RBM12: variants seen among roughly 807,000 people sequenced by gnomAD.
RBM12 encodes the protein RNA binding motif protein 12.
In RBM12, 24 loss-of-function variants were observed where a neutral mutation model predicts 37.2. The observed-to-expected ratio is 0.65, with a 90% CI of 0.47 to 0.91. The LOEUF (loss-of-function observed/expected upper bound fraction) is 0.91. Among genes scored for constraint, RBM12 ranks in the 40% least tolerant of loss-of-function variants. RBM12 has a pLI of 0.00. For synonymous variants in RBM12, 420 were observed against 425.2 expected, an observed-to-expected ratio of 0.99 and a Z score of 0.15; for missense variants, 1,061 against 1,183.2, an observed-to-expected ratio of 0.90 and a Z score of 1.52.
At position 35,649,935 on chromosome 20, in the gene RBM12, CCATA is replaced by C. The variant is rs2033387783; in HGVS notation, c.*2585_*2588del. ...AGCAAAGCTTTACAAATCCTTCATA[CCATA>C]CAAAGCAAATGAGAAAATAATGTCA... On this transcript the variant is annotated 3_prime_UTR_variant, in exon 3 of 3. Transcript: ENST00000374114. The C allele has an allele frequency of 6.6e-6, 1 of 152,440 alleles. No individual in the cohort carries two copies. The highest frequency in any genetic ancestry group is 1.5e-5 in the Non-Finnish European group (1 of 67,988). The allele number at this position is 152,440 out of a possible 1,614,324, so 9.4% of individuals were successfully genotyped here.
intron 1 of RBM12, among the ~76,000 whole-genome samples, chr20:35,662,353 T>A (rs2034277981): frequency 1.3e-5 from 2 of 152,364 alleles, no homozygotes; most frequent in South Asian, 4.1e-4. Context: ...AAGCTGGCTT[T>A]AAACTTAATT....
rs2033700940 is a variant in RBM12 at position 35,653,675 on chromosome 20, T to C, written c.1648A>G (p.Asn550Asp). ...ATCTTTGTAATGCTGAATGGAATAT[T>C]TGTTATGTGGGCACAGACTTTGGCA... Reference protein sequence around the residue: ...NSAKVCAHITNIPFSITKMDV... With the variant: ...NSAKVCAHITDIPFSITKMDV... Residue 550 changes from asparagine to aspartate, a missense_variant, in exon 3 of 3, where the codon AAT (asparagine) becomes GAT (aspartate). Asn to Asp is a conservative substitution (Grantham distance 23). This residue lies in a region of RBM12 where 517 missense variants were observed against 534.0 expected (regional missense o/e 0.97). Coordinates refer to ENST00000374114, the MANE Select transcript of RBM12 (RefSeq NM_006047.6). The C allele has an allele frequency of 1.9e-6, 3 of 1,614,208 alleles. No homozygotes were observed. Among genetic ancestry groups the C allele is most frequent in the Non-Finnish European group, 8.5e-7 (1 of 1,180,040 alleles).
Position 35,652,475 on chromosome 20 carries a change from T to C in RBM12, c.*49A>G, listed in dbSNP as rs2033588405. On this transcript the variant is annotated 3_prime_UTR_variant, in exon 3 of 3. Coordinates refer to ENST00000374114, the MANE Select transcript of RBM12 (RefSeq NM_006047.6). ...ATACTAGGAAAACAATCTGGATGCA[T>C]TAATCACAGCAATATGAAGATCTAC... The C allele has an allele frequency of 1.9e-6, 3 of 1,543,150 alleles. No homozygotes were observed. In the East Asian group the frequency reaches 6.8e-5, roughly 35 times the overall value.
chr20:35,658,801 AAACAC>A, intron 2 of RBM12, 124 bp downstream of exon 2: 1 of 515,854 alleles, frequency 1.9e-6, no homozygotes, highest in South Asian at 2.3e-5. Context: ...AAGCAAACAA[AAACAC>A]ACACACACAC....
At chr20:35,662,662 T>G (rs1259136489) in intron 1 of RBM12, among the ~76,000 whole-genome samples, 2 of 152,200 alleles carry the variant, frequency 1.3e-5, no homozygotes, top group African/African-American at 4.8e-5. Flanking sequence ...ACAGAATGGC[T>G]CTCTGCAAAA....
rs776017272 is a variant in RBM12 at position 35,655,019 on chromosome 20, C to T, written c.304G>A (p.Ala102Thr). 3 of 1,614,016 alleles carry T rather than the reference C, an allele frequency of 1.9e-6. No individual in the cohort carries two copies. Among genetic ancestry groups the T allele is most frequent in the Admixed American group, 3.3e-5 (2 of 59,996 alleles). The change falls in exon 3 of 3, where the codon GCC (alanine) becomes ACC (threonine). Residue 102 changes from alanine (A) to threonine (T), a missense_variant. Ala to Thr is a moderately conservative substitution (Grantham distance 58). Coordinates refer to ENST00000374114, the MANE Select transcript of RBM12 (RefSeq NM_006047.6). ...TANLDIPPAN[A>T]SRSGPPPSSG... The stretch of plus-strand genomic sequence containing the variant: ...CTAGGTGGTGGTCCTGATCTACTGG[C>T]ATTTGCTGGTGGTATATCTAAGTTG...
At position 35,661,061 on chromosome 20, in the gene RBM12, T is replaced by A. The variant is rs377721258; in HGVS notation, c.-107-2047A>T. On this transcript the variant is annotated intron_variant, in intron 1 of 2. Coordinates refer to ENST00000374114, the MANE Select transcript of RBM12 (RefSeq NM_006047.6). ...TATGTGTACAACTTAAAGCACAAAA[T>A]CAATCCAGATAGAAATTTATGATTC... Among the ~76,000 whole-genome samples the A allele has an allele frequency of 1.4e-4, 21 of 152,264 alleles. No homozygotes were observed. The East Asian group carries it at 2.9e-3, about 21-fold the overall frequency.
intron 1 of RBM12, among the ~76,000 whole-genome samples, chr20:35,664,045 C>A (rs533088778): frequency 6.6e-6 from 1 of 152,208 alleles, no homozygotes; most frequent in Admixed American, 6.5e-5. Context: ...TACTACAATT[C>A]TCAGAGCCTC....
chr20:35,653,044 C>T lies in RBM12; in HGVS notation c.2279G>A (p.Ser760Asn). ...ATCCAGTCCTAGACCAGGCAAACCACTGTTTCCAACTGAAGGCATACCAGG... is the reference window on the plus strand; with the variant it reads ...ATCCAGTCCTAGACCAGGCAAACCATTGTTTCCAACTGAAGGCATACCAGG... ...ARPGMPSVGN[S>N]GLPGLGLDVP... Residue 760 changes from serine to asparagine, a missense_variant, in exon 3 of 3, where the codon AGT becomes AAT. Transcript: ENST00000374114. 1 of 1,613,926 alleles carries T rather than the reference C, an allele frequency of 6.2e-7. No homozygotes were observed. The highest frequency in any genetic ancestry group is 8.5e-7 in the Non-Finnish European group (1 of 1,180,044).
At position 35,652,711 on chromosome 20, in the gene RBM12, T is replaced by C. The variant is rs1421534281; in HGVS notation, c.2612A>G (p.Glu871Gly). 1.2e-6 allele frequency: 2 copies of C among 1,613,962 alleles called. No individual in the cohort carries two copies. The highest frequency in any genetic ancestry group is 1.1e-5 in the South Asian group (1 of 91,082). ...QNMPFTVSID[E>G]ILDFFYGYQV... ...ATAGCCATAAAAGAAATCTAAAATC[T>C]CATCAATAGACACAGTAAAGGGCAT... Residue 871 changes from glutamate to glycine, a missense_variant, in exon 3 of 3, where the codon GAG becomes GGG. Glu to Gly is a moderately conservative substitution (Grantham distance 98). Coordinates refer to ENST00000374114, the MANE Select transcript of RBM12 (RefSeq NM_006047.6).
rs757734233 is a variant in RBM12, at chr20:35,654,456, G to C, written c.867C>G (p.Asn289Lys). The change falls in exon 3 of 3, where the codon AAC (asparagine) becomes AAG (lysine). Residue 289 changes from asparagine to lysine, a missense_variant. Transcript: ENST00000374114. Reference protein sequence around the residue: ...PLNPVNPIQMNSQSSVKPLPI... With the variant: ...PLNPVNPIQMKSQSSVKPLPI... ...GGAGTGGCTTCACACTGCTCTGAGA[G>C]TTCATCTGGATAGGGTTAACAGGAT... The C allele has an allele frequency of 5.0e-6, 8 of 1,614,092 alleles. No homozygotes were observed. Among genetic ancestry groups the C allele is most frequent in the Non-Finnish European group, 6.8e-6 (8 of 1,180,042 alleles).
rs969867338 is a variant in RBM12, at chr20:35,654,527, T to A, written c.796A>T (p.Met266Leu). The A allele has an allele frequency of 2.5e-6, 4 of 1,614,190 alleles. No homozygotes were observed. The highest frequency in any genetic ancestry group is 2.5e-6 in the Non-Finnish European group (3 of 1,180,022). ...PAGMNGSGAP[M>L]NLNNNLNPMF... The stretch of plus-strand genomic sequence containing the variant: ...GGATTCAGATTATTGTTCAAATTCA[T>A]AGGTGCTCCAGAGCCATTCATTCCA... Residue 266 changes from methionine to leucine, a missense_variant, in exon 3 of 3, where the codon ATG becomes TTG. By Grantham distance (15) the Met-to-Leu change is conservative. Around this residue, in one of 3 missense-constraint regions of RBM12, gnomAD observed 540 missense variants for 632.7 expected, o/e 0.85. Coordinates refer to ENST00000374114, the MANE Select transcript of RBM12 (RefSeq NM_006047.6).
At position 35,654,539 on chromosome 20, in the gene RBM12, A is replaced by G; in HGVS notation, c.784T>C (p.Ser262Pro). Residue 262 changes from serine (S) to proline (P), a missense_variant, in exon 3 of 3, where the codon TCT becomes CCT. Transcript: ENST00000374114. ...VAPLPAGMNG[S>P]GAPMNLNNNL... ...TTGTTCAAATTCATAGGTGCTCCAG[A>G]GCCATTCATTCCAGCAGGTAGAGGT... 1.9e-6 allele frequency: 3 copies of G among 1,614,226 alleles called. No homozygotes were observed. Among genetic ancestry groups the G allele is most frequent in the Non-Finnish European group, 2.5e-6 (3 of 1,180,036 alleles).
In RBM12 at chr20:35,649,255, T is replaced by C. The variant is rs1170340482; in HGVS notation, c.*3269A>G. On this transcript the variant is annotated 3_prime_UTR_variant, in exon 3 of 3. Coordinates refer to ENST00000374114, the MANE Select transcript of RBM12 (RefSeq NM_006047.6). Reference sequence around the variant, plus strand: ...ATTTTCTTTACTCATTTCCCGAGTGTTCTTAAAATTGATGAGATTTTACAC... The same window carrying C: ...ATTTTCTTTACTCATTTCCCGAGTGCTCTTAAAATTGATGAGATTTTACAC... The C allele has an allele frequency of 6.6e-6, 1 of 152,230 alleles. No homozygotes were observed. Among genetic ancestry groups the C allele is most frequent in the Non-Finnish European group, 1.5e-5 (1 of 68,042 alleles). 9.4% of individuals were successfully genotyped at this position (152,230 alleles called of 1,614,324 possible).
At position 35,658,801 on chromosome 20, in the gene RBM12, A is replaced by AC. The variant is rs1220826450; in HGVS notation, c.-23+128_-23+129insG. ...CTCAAAACAAAAAACAAGCAAACAA[A>AC]AACACACACACACACACACACACAC... On this transcript the variant is annotated intron_variant, in intron 2 of 2. Transcript: ENST00000374114. 372 of 515,836 alleles carry AC rather than the reference A, an allele frequency of 7.2e-4. 2 individuals carry two copies. Among genetic ancestry groups the AC allele is most frequent in the African/African-American group, 5.4e-3 (185 of 34,562 alleles). The allele number at this position is 515,836 out of a possible 1,614,324, so 32.0% of individuals were successfully genotyped here. A position where few individuals can be genotyped will look rare whatever the true frequency, so the allele number is the denominator to read the frequency against.
In RBM12 at chr20:35,649,929, T is replaced by C. The variant is rs2033386986; in HGVS notation, c.*2595A>G. The C allele has an allele frequency of 6.6e-6, 1 of 152,496 alleles. No homozygotes were observed. Among genetic ancestry groups the C allele is most frequent in the Non-Finnish European group, 1.5e-5 (1 of 68,014 alleles). 9.4% of individuals were successfully genotyped at this position (152,496 alleles called of 1,614,324 possible). On this transcript the variant is annotated 3_prime_UTR_variant, in exon 3 of 3. Coordinates refer to ENST00000374114, the MANE Select transcript of RBM12 (RefSeq NM_006047.6). ...ACTTTGAGCAAAGCTTTACAAATCC[T>C]TCATACCATACAAAGCAAATGAGAA...
chr20:35,663,809 A>G (rs1021649232), intron 1 of RBM12, among the ~76,000 whole-genome samples: 12 of 152,120 alleles, frequency 7.9e-5, no homozygotes, highest in Admixed American at 3.3e-4. Context: ...CCCGTCACTA[A>G]CCTGTAGATC....
Position 35,655,162 on chromosome 20 carries a change from C to T in RBM12, c.161G>A (p.Arg54Lys). The change falls in exon 3 of 3, where the codon AGG (arginine) becomes AAG (lysine). Residue 54 changes from arginine (R) to lysine (K), a missense_variant. By Grantham distance (26) the Arg-to-Lys change is conservative. Around this residue, in one of 3 missense-constraint regions of RBM12, gnomAD observed 540 missense variants for 632.7 expected, o/e 0.85. Coordinates refer to ENST00000374114, the MANE Select transcript of RBM12 (RefSeq NM_006047.6). Reference protein sequence around the residue: ...FIVFATDEDARLGMMRTGGTI... With the variant: ...FIVFATDEDAKLGMMRTGGTI... Reference sequence around the variant, plus strand: ...ACCACCTGTGCGCATCATACCAAGCCTTGCATCTTCATCAGTGGCAAAAAC... The same window carrying T: ...ACCACCTGTGCGCATCATACCAAGCTTTGCATCTTCATCAGTGGCAAAAAC... 1 of 1,614,226 alleles carries T rather than the reference C, an allele frequency of 6.2e-7. No individual in the cohort carries two copies. The highest frequency in any genetic ancestry group is 8.5e-7 in the Non-Finnish European group (1 of 1,180,044).
In RBM12 at chr20:35,652,485, C is replaced by G; in HGVS notation, c.*39G>C. ...AACAATCTGGATGCATTAATCACAG[C>G]AATATGAAGATCTACCCTATAAAAA... On this transcript the variant is annotated 3_prime_UTR_variant, in exon 3 of 3. Coordinates refer to ENST00000374114, the MANE Select transcript of RBM12 (RefSeq NM_006047.6). 6.4e-7 allele frequency: 1 copy of G among 1,565,336 alleles called. No individual in the cohort carries two copies. Among genetic ancestry groups the G allele is most frequent in the Non-Finnish European group, 8.6e-7 (1 of 1,156,084 alleles).
Sources: allele counts gnomAD v4.1 joint callset (sites outside exome capture counted in the v4.1 genomes callset), GRCh38; gene constraint gnomAD v4.1.1; regional missense constraint gnomAD v4.1.1; transcripts MANE v1.5; gene names NCBI Gene and HGNC (gene_info 2026-07-23, HGNC 2026-07-21).